Variants in ZNF385B observed in about 807,000 individuals in gnomAD.
ZNF385B encodes zinc finger protein 385B.
ZNF385B carries 23 observed loss-of-function variants against 39.2 expected under a neutral mutation model. The ratio of observed to expected loss-of-function variants is 0.59; its 90% CI spans 0.42 to 0.83. The LOEUF (loss-of-function observed/expected upper bound fraction) is 0.83, where lower values mean the gene tolerates loss of function less well. Among genes scored for constraint, ZNF385B ranks in the 40% least tolerant of loss-of-function variants. ZNF385B has a pLI of 0.00. For synonymous variants in ZNF385B, 205 were observed against 222.6 expected, an observed-to-expected ratio of 0.92 and a Z score of 0.70; for missense variants, 552 against 598.9, an observed-to-expected ratio of 0.92 and a Z score of 0.82.
intron 1 of ZNF385B, among the ~76,000 whole-genome samples, chr2:179,818,001 G>A (rs1707174255): frequency 6.6e-6 from 1 of 152,046 alleles, no homozygotes; most frequent in Non-Finnish European, 1.5e-5. Flanking sequence ...AAGCAACCAT[G>A]TATGGGGAGA....
In ZNF385B at chr2:179,760,223, C is replaced by CGTGCGT. The variant is rs1553525684; in HGVS notation, c.298+9279_298+9280insACGCAC. On this transcript the variant is annotated intron_variant, in intron 3 of 9. Transcript: ENST00000410066. ...CCAGTATTACCTGGATTCCTGTGTGCGTGTGTGTGTGTGTGTGTGTGTGTG... is the reference window on the plus strand; with the variant it reads ...CCAGTATTACCTGGATTCCTGTGTGCGTGCGTGTGTGTGTGTGTGTGTGTGTGTGTG... Among the ~76,000 whole-genome samples, 176 of 144,502 alleles carry CGTGCGT rather than the reference C, an allele frequency of 1.2e-3. 2 individuals are homozygous for CGTGCGT. The South Asian group carries it at 0.015, about 13-fold the overall frequency. The allele number at this position is 144,502 out of a possible 152,430, so 94.8% of individuals were successfully genotyped here.
chr2:179,760,223 CGTGTGTGT>C (rs1553525685), intron 3 of ZNF385B, among the ~76,000 whole-genome samples: 2 of 144,474 alleles, frequency 1.4e-5, no homozygotes, highest in Non-Finnish European at 3.0e-5. Flanking sequence ...TTCCTGTGTG[CGTGTGTGT>C]GTGTGTGTGT....
chr2:179,662,861 T>G (rs1229133793), intron 3 of ZNF385B, among the ~76,000 whole-genome samples: 1 of 148,934 alleles, frequency 6.7e-6, no homozygotes, highest in South Asian at 2.1e-4. Flanking sequence ...GGCTCATTTA[T>G]TTTCAATTTT....
chr2:179,727,794 G>A (rs1249206964), intron 3 of ZNF385B, among the ~76,000 whole-genome samples: 1 of 152,040 alleles, frequency 6.6e-6, no homozygotes, highest in Non-Finnish European at 1.5e-5. Flanking sequence ...ATACCATAAA[G>A]TGACAGAAAA....
chr2:179,731,752 A>C (rs1308991325), intron 3 of ZNF385B, among the ~76,000 whole-genome samples: 1 of 152,074 alleles, frequency 6.6e-6, no homozygotes, highest in African/African-American at 2.4e-5. Context: ...GTGCCATGGC[A>C]CTCCCACGTG....
intron 3 of ZNF385B, among the ~76,000 whole-genome samples, chr2:179,710,006 T>A (rs1486417491): frequency 6.6e-6 from 1 of 152,198 alleles, no homozygotes; most frequent in African/African-American, 2.4e-5. Flanking sequence ...AGTGCAGGAA[T>A]GGATGGAGGC....
intron 4 of ZNF385B, among the ~76,000 whole-genome samples, chr2:179,521,093 T>C (rs2058458056): frequency 6.6e-6 from 1 of 152,132 alleles, no homozygotes; most frequent in Non-Finnish European, 1.5e-5. Flanking sequence ...AAAAAATCTT[T>C]GAAAATAAAT....
rs1175901104 is a variant in ZNF385B, at chr2:179,829,669, A to G, written c.-155+31432T>C. ...GCTGGGACTACAGGCGCCCGCCACC[A>G]TGCCCGGCCAATTTTTTGTATTTTT... is the stretch of plus-strand genomic sequence containing the variant. On this transcript the variant is annotated intron_variant, in intron 1 of 9. Coordinates refer to ENST00000410066, the MANE Select transcript of ZNF385B (RefSeq NM_152520.6). 3.9e-5 allele frequency among the ~76,000 whole-genome samples: 6 copies of G among 152,032 alleles called. No individual in the cohort carries two copies. The East Asian group carries it at 7.8e-4, about 20-fold the overall frequency.
intron 1 of ZNF385B, among the ~76,000 whole-genome samples, chr2:179,816,722 C>G (rs1437329721): frequency 6.6e-6 from 1 of 152,124 alleles, no homozygotes; most frequent in Non-Finnish European, 1.5e-5. Flanking sequence ...AAGAAAGTGA[C>G]TGAATAAAAT....
intron 1 of ZNF385B, among the ~76,000 whole-genome samples, chr2:179,815,842 C>T (rs1451107898): frequency 6.6e-6 from 1 of 151,982 alleles, no homozygotes; most frequent in African/African-American, 2.4e-5. Context: ...TACTATTAAC[C>T]CTTCTTAGAT....
chr2:179,834,626 C>A (rs1708151502), intron 1 of ZNF385B, among the ~76,000 whole-genome samples: 1 of 152,096 alleles, frequency 6.6e-6, no homozygotes, highest in Non-Finnish European at 1.5e-5. Flanking sequence ...TTTACAACCA[C>A]CATAGTAACA....
chr2:179,607,405 A>G (rs1050930360), intron 3 of ZNF385B, among the ~76,000 whole-genome samples: 1 of 148,250 alleles, frequency 6.7e-6, no homozygotes, highest in African/African-American at 2.6e-5. Context: ...CTCCTCCCTC[A>G]CTGTCTCTCC....
At chr2:179,654,661 T>C (rs935037510) in intron 3 of ZNF385B, among the ~76,000 whole-genome samples, 3 of 152,206 alleles carry the variant, frequency 2.0e-5, no homozygotes, top group Non-Finnish European at 4.4e-5. Flanking sequence ...ATGGCACTTT[T>C]AGATTTCCAG....
intron 7 of ZNF385B, 126 bp downstream of exon 7, chr2:179,446,399 T>C: frequency 1.3e-5 from 17 of 1,348,630 alleles, no homozygotes; most frequent in Non-Finnish European, 1.7e-5. Context: ...AATCACTCCT[T>C]TGAATCAAAA....
intron 3 of ZNF385B, among the ~76,000 whole-genome samples, chr2:179,757,388 C>T (rs111233619): frequency 0.012 from 1,872 of 152,292 alleles, 45 homozygotes; most frequent in African/African-American, 0.042. Flanking sequence ...GGGGTGCCTC[C>T]CAGTTAGGCT....
intron 3 of ZNF385B, among the ~76,000 whole-genome samples, chr2:179,594,116 A>C (rs908927886): frequency 6.6e-6 from 1 of 152,060 alleles, no homozygotes; most frequent in Non-Finnish European, 1.5e-5. Context: ...AAAAAAATTC[A>C]CTTCACTCCC....
chr2:179,640,187 C>T (rs1436202412), intron 3 of ZNF385B, among the ~76,000 whole-genome samples: 1 of 152,058 alleles, frequency 6.6e-6, no homozygotes, highest in African/African-American at 2.4e-5. Context: ...TGGATTGGAT[C>T]CTAGGTTGGA....
intron 1 of ZNF385B, among the ~76,000 whole-genome samples, chr2:179,799,886 G>A (rs1266001156): frequency 2.6e-5 from 4 of 152,024 alleles, no homozygotes; most frequent in South Asian, 2.1e-4. Flanking sequence ...TCATCCAAGC[G>A]GCAGTCCAGA....
chr2:179,754,618 T>G (rs1702892872), intron 3 of ZNF385B, among the ~76,000 whole-genome samples: 1 of 152,202 alleles, frequency 6.6e-6, no homozygotes, highest in Non-Finnish European at 1.5e-5. Context: ...AGCCTGTTAT[T>G]GGTCTCTTCA....
Sources: gnomAD v4.1 joint callset for allele counts (sites outside exome capture counted in the v4.1 genomes callset) on GRCh38, gnomAD v4.1.1 for gene constraint, MANE v1.5 for transcripts, NCBI Gene and HGNC (gene_info 2026-07-23, HGNC 2026-07-21) for gene names.